OXR1: variants seen among roughly 807,000 people sequenced by gnomAD.
The protein encoded by OXR1 is oxidation resistance protein 1.
A neutral mutation model predicts 104.6 loss-of-function variants in OXR1; 41 were observed. The ratio of observed to expected loss-of-function variants is 0.39; its 90% CI spans 0.31 to 0.51. The LOEUF is 0.51. Ranked by LOEUF, OXR1 falls within the 20% of genes least tolerant of loss-of-function variation. OXR1 has a pLI of 0.77. For synonymous variants in OXR1, 348 were observed against 348.4 expected (o/e 1.00, Z 0.01); for missense variants, 955 against 1,031.9 (o/e 0.93, Z 1.02).
intron 4 of OXR1, among the ~76,000 whole-genome samples, chr8:106,679,635 G>A (rs1420844473): frequency 1.3e-5 from 2 of 152,000 alleles, no homozygotes; most frequent in Non-Finnish European, 2.9e-5. Context: ...CAGTGCTAGT[G>A]ATAGTTATAA....
intron 8 of OXR1, 67 bp downstream of exon 8, chr8:106,703,157 C>T: frequency 2.0e-6 from 2 of 1,016,914 alleles, no homozygotes; most frequent in Non-Finnish European, 2.9e-6. Flanking sequence ...TGTCTAATAC[C>T]TTAACTATTT....
At chr8:106,534,437 G>A (rs1814328707) in intron 3 of OXR1, among the ~76,000 whole-genome samples, 1 of 152,162 alleles carries the variant, frequency 6.6e-6, no homozygotes, top group South Asian at 2.1e-4. Flanking sequence ...TTATTACAGA[G>A]ACATCCCTGT....
chr8:106,326,051 A>C (rs1392323394), intron 1 of OXR1, among the ~76,000 whole-genome samples: 1 of 152,236 alleles, frequency 6.6e-6, no homozygotes, highest in Non-Finnish European at 1.5e-5. Context: ...AAGTATATAA[A>C]GTCAGTTGCT....
chr8:106,483,143 G>A (rs1317798702), intron 2 of OXR1, among the ~76,000 whole-genome samples: 5 of 151,926 alleles, frequency 3.3e-5, no homozygotes, highest in African/African-American at 1.2e-4. Flanking sequence ...CAAATATCAT[G>A]CTTCACAGTA....
intron 2 of OXR1, among the ~76,000 whole-genome samples, chr8:106,473,220 T>G (rs927118525): frequency 2.0e-5 from 3 of 151,850 alleles, no homozygotes; most frequent in African/African-American, 7.2e-5. Flanking sequence ...TGGAACTTAA[T>G]GGCACAGCAC....
chr8:106,514,424 CT>C (rs985069294), intron 2 of OXR1, among the ~76,000 whole-genome samples: 3 of 152,046 alleles, frequency 2.0e-5, no homozygotes, highest in African/African-American at 7.2e-5. Context: ...AAATGGAAGT[CT>C]TGTCTTATGC....
intron 3 of OXR1, among the ~76,000 whole-genome samples, chr8:106,670,971 G>T (rs370195550): frequency 1.4e-5 from 2 of 144,922 alleles, no homozygotes; most frequent in African/African-American, 5.3e-5. Context: ...CTTGAACCTG[G>T]CAGGCAGAGG....
At chr8:106,580,270 T>G (rs2130621895) in intron 3 of OXR1, among the ~76,000 whole-genome samples, 1 of 152,320 alleles carries the variant, frequency 6.6e-6, no homozygotes, top group Middle Eastern at 3.4e-3. Flanking sequence ...CCCTCAATTC[T>G]TTTGTTTCTA....
At chr8:106,424,703 A>G (rs923097429) in intron 2 of OXR1, among the ~76,000 whole-genome samples, 4 of 152,134 alleles carry the variant, frequency 2.6e-5, no homozygotes, top group Non-Finnish European at 4.4e-5. Flanking sequence ...AATTTTGTCA[A>G]TTTGTCCTCT....
chr8:106,658,367 C>A (rs542961605), intron 3 of OXR1, among the ~76,000 whole-genome samples: 186 of 152,300 alleles, frequency 1.2e-3, no homozygotes, highest in Non-Finnish European at 2.1e-3. Context: ...TCGTTCGGCT[C>A]TGGGGAGGGA....
chr8:106,401,825 G>A (rs1290207425), intron 2 of OXR1, among the ~76,000 whole-genome samples: 1 of 152,174 alleles, frequency 6.6e-6, no homozygotes, highest in African/African-American at 2.4e-5. Flanking sequence ...TTCTTGCTCA[G>A]TAGGTCTGAT....
intron 2 of OXR1, among the ~76,000 whole-genome samples, chr8:106,493,138 A>C (rs1212639852): frequency 6.6e-6 from 1 of 152,208 alleles, no homozygotes; most frequent in Non-Finnish European, 1.5e-5. Flanking sequence ...AGCTACAGCT[A>C]TATGGGTAGC....
intron 2 of OXR1, among the ~76,000 whole-genome samples, chr8:106,379,537 C>CTTTTTTTTTTTT (rs60855438): frequency 3.7e-5 from 4 of 108,400 alleles, no homozygotes; most frequent in Non-Finnish European, 5.4e-5. Flanking sequence ...TTCTTTCTTT[C>CTTTTTTTTTTTT]TTTTTTTTTT....
At chr8:106,395,602 T>C (rs1373490764) in intron 2 of OXR1, among the ~76,000 whole-genome samples, 2 of 152,134 alleles carry the variant, frequency 1.3e-5, no homozygotes, top group African/African-American at 4.8e-5. Context: ...GAAGCTACAA[T>C]TCAAGTTGAG....
In OXR1 at chr8:106,712,575, A is replaced by G. The variant is rs575350967; in HGVS notation, c.1794-1248A>G. Among the ~76,000 whole-genome samples, 20 of 152,202 alleles carry G rather than the reference A, an allele frequency of 1.3e-4. 1 individual carries two copies. Among genetic ancestry groups the G allele is most frequent in the Admixed American group, 8.5e-4 (13 of 15,268 alleles). On this transcript the variant is annotated intron_variant, in intron 10 of 16. Coordinates refer to ENST00000517566, the MANE Select transcript of OXR1 (RefSeq NM_001198533.2). ...AGATACGCGAATTGATTCCCTTAGCACCATCTTACACGTTTGTGTACCTCT... is the reference window on the plus strand; with the variant it reads ...AGATACGCGAATTGATTCCCTTAGCGCCATCTTACACGTTTGTGTACCTCT...
chr8:106,727,579 C>T (rs372648580), intron 11 of OXR1, among the ~76,000 whole-genome samples: 21 of 151,896 alleles, frequency 1.4e-4, no homozygotes, highest in African/African-American at 4.6e-4. Flanking sequence ...CACCACAGCC[C>T]GCTAATTTTT....
intron 3 of OXR1, among the ~76,000 whole-genome samples, chr8:106,598,721 A>T (rs1819713012): frequency 6.6e-6 from 1 of 152,258 alleles, no homozygotes; most frequent in Admixed American, 6.5e-5. Flanking sequence ...CTAATTTTGA[A>T]GTGATTAATA....
chr8:106,619,089 T>C (rs1333232681), intron 3 of OXR1, among the ~76,000 whole-genome samples: 1 of 152,212 alleles, frequency 6.6e-6, no homozygotes, highest in African/African-American at 2.4e-5. Flanking sequence ...TATTTATTTA[T>C]AGTTTTGCCT....
intron 2 of OXR1, among the ~76,000 whole-genome samples, chr8:106,379,803 A>G (rs1171728489): frequency 6.6e-6 from 1 of 151,952 alleles, no homozygotes; most frequent in South Asian, 2.1e-4. Context: ...TTGCCCTCCT[A>G]AAGTGCTGGG....
Sources: allele counts gnomAD v4.1 joint callset (sites outside exome capture counted in the v4.1 genomes callset), GRCh38; gene constraint gnomAD v4.1.1; transcripts MANE v1.5; gene names NCBI Gene and HGNC (gene_info 2026-07-23, HGNC 2026-07-21).